CSGALNACT1: variants seen among roughly 807,000 people sequenced by gnomAD.
CSGALNACT1 encodes the protein beta4GalNAcT-1.
CSGALNACT1 carries 52 observed loss-of-function variants against 51.0 expected under a neutral mutation model. The ratio of observed to expected loss-of-function variants is 1.02; its 90% CI spans 0.82 to 1.29. CSGALNACT1 has a LOEUF of 1.29. CSGALNACT1 is among the 50% of genes most tolerant of loss of function. The pLI is 0.00. For missense variants in CSGALNACT1, 935 were observed against 679.2 expected (o/e 1.38, Z -4.19); for synonymous variants, 341 against 254.4 (o/e 1.34, Z -3.24).
At chr8:19,752,315 T>G (rs911985903) in intron 1 of CSGALNACT1, among the ~76,000 whole-genome samples, 3 of 151,984 alleles carry the variant, frequency 2.0e-5, no homozygotes, top group Non-Finnish European at 4.4e-5. Context: ...ATGCAGGTTG[T>G]GCCGCAAAGT....
intron 1 of CSGALNACT1, among the ~76,000 whole-genome samples, chr8:19,747,726 TAC>T (rs1174541870): frequency 6.6e-6 from 1 of 151,932 alleles, no homozygotes; most frequent in Non-Finnish European, 1.5e-5. Flanking sequence ...TGCCCAGGGC[TAC>T]AGAGTGAGTC....
chr8:19,559,592 A>T (rs1399886915), intron 3 of CSGALNACT1, among the ~76,000 whole-genome samples: 1 of 152,214 alleles, frequency 6.6e-6, no homozygotes, highest in Non-Finnish European at 1.5e-5. Context: ...CTGTTAGAAT[A>T]GTAGAGTTCA....
chr8:19,716,974 G>T (rs983179066), intron 1 of CSGALNACT1, among the ~76,000 whole-genome samples: 1 of 152,160 alleles, frequency 6.6e-6, no homozygotes, highest in Non-Finnish European at 1.5e-5. Context: ...TCCCCACTCA[G>T]TTGTTGCATG....
intron 1 of CSGALNACT1, among the ~76,000 whole-genome samples, chr8:19,657,315 G>T (rs986144690): frequency 3.2e-5 from 2 of 62,878 alleles, no homozygotes; most frequent in Admixed American, 1.9e-4. Context: ...ACTGAAAGAC[G>T]TGAGGATGTC....
intron 3 of CSGALNACT1, among the ~76,000 whole-genome samples, chr8:19,527,306 G>C (rs938385024): frequency 2.0e-5 from 3 of 152,128 alleles, no homozygotes; most frequent in Admixed American, 6.6e-5. Context: ...GCCAGGAAGA[G>C]AGGATAAAAG....
At chr8:19,515,811 C>T (rs183960474) in intron 3 of CSGALNACT1, among the ~76,000 whole-genome samples, 18 of 152,162 alleles carry the variant, frequency 1.2e-4, no homozygotes, top group African/African-American at 4.3e-4. Context: ...CCGTCTAGTC[C>T]CATTCCTTAC....
At chr8:19,406,344 G>A (rs1404577698) in intron 9 of CSGALNACT1, among the ~76,000 whole-genome samples, 8 of 151,822 alleles carry the variant, frequency 5.3e-5, no homozygotes, top group African/African-American at 1.9e-4. Flanking sequence ...TATCAGCAAT[G>A]CTAATGAACA....
At chr8:19,619,567 G>A (rs1219945702) in intron 1 of CSGALNACT1, among the ~76,000 whole-genome samples, 2 of 152,140 alleles carry the variant, frequency 1.3e-5, no homozygotes, top group East Asian at 3.9e-4. Flanking sequence ...AAGGACTGGT[G>A]CCAGACTAGG....
chr8:19,455,255 A>G (rs534781107), intron 5 of CSGALNACT1, among the ~76,000 whole-genome samples: 1 of 152,354 alleles, frequency 6.6e-6, no homozygotes, highest in South Asian at 2.1e-4. Flanking sequence ...CTTTCACTGA[A>G]TCTTTAAACA....
chr8:19,663,615 T>G (rs187649448), intron 1 of CSGALNACT1, among the ~76,000 whole-genome samples: 1 of 152,122 alleles, frequency 6.6e-6, no homozygotes, highest in Admixed American at 6.5e-5. Context: ...CAAATTCACA[T>G]CCTGTACAAA....
At chr8:19,625,761 G>T (rs116988606) in intron 1 of CSGALNACT1, among the ~76,000 whole-genome samples, 252 of 152,260 alleles carry the variant, frequency 1.7e-3, no homozygotes, top group Non-Finnish European at 2.3e-3. Context: ...GGGCCTTAAG[G>T]CAAGTGGAAA....
At chr8:19,749,680 A>G (rs2064909623) in intron 1 of CSGALNACT1, among the ~76,000 whole-genome samples, 1 of 152,196 alleles carries the variant, frequency 6.6e-6, no homozygotes, top group South Asian at 2.1e-4. Context: ...ACAGGCCTCC[A>G]TGGATCTGGC....
chr8:19,420,573 CCT>C, intron 6 of CSGALNACT1, 55 bp from the exon 6 acceptor site: 1 of 1,574,536 alleles, frequency 6.4e-7, no homozygotes, highest in South Asian at 1.1e-5. Flanking sequence ...GGCAGCATCC[CCT>C]GAGAAAATAT....
chr8:19,684,735 C>A (rs1327524871), upstream of CSGALNACT1, among the ~76,000 whole-genome samples: 1 of 152,120 alleles, frequency 6.6e-6, no homozygotes, highest in Non-Finnish European at 1.5e-5. Context: ...AGGTTCCAAT[C>A]AAAAAGCCTC....
chr8:19,658,322 C>G (rs1024523111), intron 1 of CSGALNACT1, among the ~76,000 whole-genome samples: 1 of 152,136 alleles, frequency 6.6e-6, no homozygotes, highest in Admixed American at 6.5e-5. Context: ...GAAAATACAT[C>G]TGTTATGGTA....
chr8:19,609,061 A>T (rs975233391), intron 1 of CSGALNACT1, among the ~76,000 whole-genome samples: 46 of 152,088 alleles, frequency 3.0e-4, no homozygotes, highest in African/African-American at 1.1e-3. Flanking sequence ...CACATTTTCC[A>T]GAAAAGACTA....
chr8:19,604,205 G>A (rs1485006075), upstream of CSGALNACT1, among the ~76,000 whole-genome samples: 4 of 152,130 alleles, frequency 2.6e-5, no homozygotes, highest in Non-Finnish European at 5.9e-5. Context: ...TGGTAATCAG[G>A]GTGGAAGGGG....
rs868338464 is a variant in CSGALNACT1 at position 19,513,448 on chromosome 8, A to C, written c.-296-7318T>G. ...TCTCTCTCTCTCTCTATATATATATATATATATATATATATTTTGTGCCAT... is the reference window on the plus strand; with the variant it reads ...TCTCTCTCTCTCTCTATATATATATCTATATATATATATATTTTGTGCCAT... On this transcript the variant is annotated intron_variant, in intron 3 of 9. Coordinates refer to ENST00000454498, the Ensembl canonical transcript of CSGALNACT1. Among the ~76,000 whole-genome samples, 448 of 123,778 alleles carry C rather than the reference A, an allele frequency of 3.6e-3. 2 individuals are homozygous for C. Among genetic ancestry groups the C allele is most frequent in the African/African-American group, 0.016 (418 of 26,544 alleles). 81.2% of individuals were successfully genotyped at this position (123,778 alleles called of 152,430 possible).
chr8:19,709,114 C>T (rs1331277716), intron 1 of CSGALNACT1, among the ~76,000 whole-genome samples: 1 of 152,140 alleles, frequency 6.6e-6, no homozygotes, highest in Non-Finnish European at 1.5e-5. Flanking sequence ...GATCAGGAAA[C>T]AGGAACAGGG....
Sources: gnomAD v4.1 joint callset for allele counts (sites outside exome capture counted in the v4.1 genomes callset) on GRCh38, gnomAD v4.1.1 for gene constraint, MANE v1.5 for transcripts, NCBI Gene and HGNC (gene_info 2026-07-23, HGNC 2026-07-21) for gene names.